The following SGCZ variants were observed in gnomAD, a reference collection of about 807,000 sequenced individuals.
The protein encoded by SGCZ is zeta-sarcoglycan.
In SGCZ, 40 loss-of-function variants were observed where a neutral mutation model predicts 41.3. That is an observed-to-expected ratio of 0.97 (90% confidence interval 0.75 to 1.26). The LOEUF is 1.26. SGCZ is among the 50% of genes most tolerant of loss of function. The probability of loss-of-function intolerance (pLI) is 0.00; values close to 1 mark genes in which losing one functional copy is unlikely to be tolerated. For missense variants in SGCZ, 552 were observed against 369.8 expected (o/e 1.49, Z -4.04); for synonymous variants, 206 against 137.5 (o/e 1.50, Z -3.49).
At chr8:15,016,181 G>A (rs1014213290) in intron 1 of SGCZ, among the ~76,000 whole-genome samples, 21 of 151,998 alleles carry the variant, frequency 1.4e-4, no homozygotes, top group East Asian at 1.9e-4. Context: ...CTCTGGAAGC[G>A]CCTTACATGG....
chr8:14,343,697 T>C (rs1325432315), intron 2 of SGCZ, among the ~76,000 whole-genome samples: 1 of 152,150 alleles, frequency 6.6e-6, no homozygotes, highest in African/African-American at 2.4e-5. Context: ...ATAATCTAGA[T>C]TCAGAGGAGA....
rs1016103705 is a variant in SGCZ, at chr8:14,566,689, G to A, written c.40-11763C>T. Among the ~76,000 whole-genome samples the A allele has an allele frequency of 4.6e-5, 7 of 152,326 alleles. No individual in the cohort carries two copies. The East Asian group carries it at 9.7e-4, about 21-fold the overall frequency. On this transcript the variant is annotated intron_variant, in intron 1 of 7. Coordinates refer to ENST00000382080, the MANE Select transcript of SGCZ (RefSeq NM_139167.4). ...GCCCTCACAGCCCTCGCTCGCTCTC[G>A]GCACCTCCTCGGCCTTGGCGCCCAC...
chr8:14,677,261 A>T (rs1454473662), intron 1 of SGCZ, among the ~76,000 whole-genome samples: 1 of 151,950 alleles, frequency 6.6e-6, no homozygotes, highest in African/African-American at 2.4e-5. Context: ...AATATAAAAG[A>T]TATATATAAA....
intron 2 of SGCZ, among the ~76,000 whole-genome samples, chr8:14,514,620 T>A (rs1023421048): frequency 2.7e-5 from 4 of 150,178 alleles, no homozygotes; most frequent in Non-Finnish European, 4.4e-5. Flanking sequence ...CACATATATT[T>A]ATATTTCAGG....
intron 4 of SGCZ, among the ~76,000 whole-genome samples, chr8:14,204,738 G>A (rs1184556992): frequency 2.6e-5 from 4 of 152,036 alleles, no homozygotes; most frequent in Non-Finnish European, 5.9e-5. Flanking sequence ...GCTGAAGCTG[G>A]GACACACTTA....
intron 1 of SGCZ, among the ~76,000 whole-genome samples, chr8:14,826,663 T>C (rs1802332343): frequency 6.6e-6 from 1 of 152,170 alleles, no homozygotes; most frequent in African/African-American, 2.4e-5. Context: ...GTGGTTTTGA[T>C]TTGCATTTCT....
intron 1 of SGCZ, among the ~76,000 whole-genome samples, chr8:14,880,643 G>T (rs184472868): frequency 3.3e-5 from 5 of 152,134 alleles, no homozygotes; most frequent in African/African-American, 1.2e-4. Flanking sequence ...ATGAGTTCAT[G>T]TCGATTGTAG....
intron 3 of SGCZ, among the ~76,000 whole-genome samples, chr8:14,249,809 C>G (rs1315091037): frequency 1.3e-5 from 2 of 152,060 alleles, no homozygotes; most frequent in African/African-American, 4.8e-5. Context: ...TGACATTTTT[C>G]TACACTAATG....
chr8:14,094,358 T>G (rs1801779017), intron 7 of SGCZ, among the ~76,000 whole-genome samples: 1 of 152,074 alleles, frequency 6.6e-6, no homozygotes, highest in South Asian at 2.1e-4. Flanking sequence ...TTCTCATTGT[T>G]CAACTCCCAA....
chr8:14,415,578 G>A (rs189288187), intron 2 of SGCZ, among the ~76,000 whole-genome samples: 5 of 152,064 alleles, frequency 3.3e-5, no homozygotes, highest in Middle Eastern at 3.4e-3. Flanking sequence ...ATTACAGTAA[G>A]TGAGACAGTT....
At chr8:14,198,751 A>G (rs1032340745) in intron 4 of SGCZ, among the ~76,000 whole-genome samples, 1 of 152,192 alleles carries the variant, frequency 6.6e-6, no homozygotes, top group Non-Finnish European at 1.5e-5. Context: ...AATTGTGATG[A>G]TTTTATGGAT....
chr8:14,490,620 T>A (rs1435785887), intron 2 of SGCZ, among the ~76,000 whole-genome samples: 1 of 152,214 alleles, frequency 6.6e-6, no homozygotes, highest in Non-Finnish European at 1.5e-5. Flanking sequence ...TAAGTGTTGA[T>A]TTGATCATCC....
At chr8:14,167,954 G>C (rs1804258180) in intron 4 of SGCZ, among the ~76,000 whole-genome samples, 1 of 152,110 alleles carries the variant, frequency 6.6e-6, no homozygotes, top group African/African-American at 2.4e-5. Flanking sequence ...CTTCAAAGAG[G>C]CTCAAATATA....
At chr8:14,157,316 T>TTATATA (rs199515898) in intron 5 of SGCZ, among the ~76,000 whole-genome samples, 2 of 146,304 alleles carry the variant, frequency 1.4e-5, no homozygotes, top group Admixed American at 7.0e-5. Flanking sequence ...ATATTATATG[T>TTATATA]TATATACATA....
chr8:14,809,059 A>G (rs929693892), intron 1 of SGCZ, among the ~76,000 whole-genome samples: 4 of 148,508 alleles, frequency 2.7e-5, no homozygotes, highest in Non-Finnish European at 5.9e-5. Context: ...GAAGGGGAAC[A>G]TCACACTCTG....
chr8:14,770,848 T>C (rs1035343795), intron 1 of SGCZ, among the ~76,000 whole-genome samples: 6 of 152,146 alleles, frequency 3.9e-5, no homozygotes, highest in African/African-American at 1.4e-4. Flanking sequence ...ATGCCTGATG[T>C]ATCCAGGGAA....
At chr8:14,753,197 C>G (rs1441485268) in intron 1 of SGCZ, among the ~76,000 whole-genome samples, 1 of 152,154 alleles carries the variant, frequency 6.6e-6, no homozygotes, top group African/African-American at 2.4e-5. Flanking sequence ...ACCATTATCT[C>G]TCTGTCTTAC....
chr8:14,326,386 A>C, intron 2 of SGCZ, among the ~76,000 whole-genome samples: 1 of 152,246 alleles, frequency 6.6e-6, no homozygotes. Flanking sequence ...AAAATACGTT[A>C]TAGAAAAATT....
intron 1 of SGCZ, among the ~76,000 whole-genome samples, chr8:14,822,472 A>G (rs1214671905): frequency 6.6e-6 from 1 of 152,220 alleles, no homozygotes; most frequent in Non-Finnish European, 1.5e-5. Context: ...TTATTCACAG[A>G]AACAAAAAAG....
Sources: gnomAD v4.1 joint callset for allele counts (sites outside exome capture counted in the v4.1 genomes callset) on GRCh38, gnomAD v4.1.1 for gene constraint, MANE v1.5 for transcripts, NCBI Gene and HGNC (gene_info 2026-07-23, HGNC 2026-07-21) for gene names.